The following UTRN variants were observed in gnomAD, a reference collection of about 807,000 sequenced individuals.
UTRN encodes the protein utrophin, also known as dystrophin-related protein 1.
A neutral mutation model predicts 463.9 loss-of-function variants in UTRN; 283 were observed. That is an observed-to-expected ratio of 0.61 (90% CI 0.55 to 0.67). UTRN has a LOEUF of 0.67. UTRN is among the 30% of genes least tolerant of loss of function. UTRN has a pLI of 0.00. For synonymous variants in UTRN, 1,442 were observed against 1,431.5 expected, an observed-to-expected ratio of 1.01 and a Z score of -0.17; for missense variants, 3,922 against 4,084.3, an observed-to-expected ratio of 0.96 and a Z score of 1.08.
chr6:144,481,132 T>C (rs963976766), intron 26 of UTRN, among the ~76,000 whole-genome samples: 1 of 152,174 alleles, frequency 6.6e-6, no homozygotes, highest in South Asian at 2.1e-4. Flanking sequence ...TTGGGCAACA[T>C]TTTATTTATT....
intron 53 of UTRN, among the ~76,000 whole-genome samples, chr6:144,703,908 A>T (rs1223547045): frequency 3.3e-5 from 5 of 152,206 alleles, no homozygotes; most frequent in Non-Finnish European, 7.3e-5. Flanking sequence ...CTCATTGCTG[A>T]GTAGTGAATT....
chr6:144,375,849 A>G (rs1036272950), intron 2 of UTRN, among the ~76,000 whole-genome samples: 3 of 151,494 alleles, frequency 2.0e-5, no homozygotes, highest in Non-Finnish European at 4.4e-5. Context: ...TCAGGGCACC[A>G]CTCTTCTGGT....
chr6:144,411,351 A>G (rs1241065414), intron 3 of UTRN, among the ~76,000 whole-genome samples: 1 of 152,010 alleles, frequency 6.6e-6, no homozygotes, highest in Non-Finnish European at 1.5e-5. Context: ...GCCCATTTGT[A>G]TATCTGCTTT....
intron 35 of UTRN, among the ~76,000 whole-genome samples, chr6:144,511,725 T>C (rs1027390453): frequency 6.6e-6 from 1 of 152,314 alleles, no homozygotes; most frequent in African/African-American, 2.4e-5. Flanking sequence ...TTATTAAATA[T>C]TGTATATGTG....
At chr6:144,424,655 T>A (rs1785140103) in intron 6 of UTRN, among the ~76,000 whole-genome samples, 1 of 152,222 alleles carries the variant, frequency 6.6e-6, no homozygotes, top group Admixed American at 6.5e-5. Flanking sequence ...TTTCTTATGT[T>A]AAATTTTAAA....
At chr6:144,605,225 A>G (rs1240861424) in intron 51 of UTRN, among the ~76,000 whole-genome samples, 1 of 152,162 alleles carries the variant, frequency 6.6e-6, no homozygotes, top group Non-Finnish European at 1.5e-5. Flanking sequence ...TGACAGTTAT[A>G]TATCCAAAAC....
At chr6:144,436,742 G>T (rs1786569902) in intron 10 of UTRN, among the ~76,000 whole-genome samples, 1 of 137,592 alleles carries the variant, frequency 7.3e-6, no homozygotes. Context: ...GGGTGAGTAT[G>T]GTATTTTATT....
At chr6:144,728,010 G>C (rs1393560274) in intron 53 of UTRN, among the ~76,000 whole-genome samples, 1 of 150,208 alleles carries the variant, frequency 6.7e-6, no homozygotes, top group African/African-American at 2.4e-5. Flanking sequence ...TGAGGCAGGA[G>C]AATCACTTGA....
intron 2 of UTRN, among the ~76,000 whole-genome samples, chr6:144,385,264 G>A (rs1008226647): frequency 6.6e-6 from 1 of 152,134 alleles, no homozygotes; most frequent in Non-Finnish European, 1.5e-5. Context: ...CATGTTGACT[G>A]TGCACATGGA....
At chr6:144,489,037 T>TTTTATTTTAC (rs1341807223) in intron 30 of UTRN, among the ~76,000 whole-genome samples, 1 of 151,320 alleles carries the variant, frequency 6.6e-6, no homozygotes, top group Non-Finnish European at 1.5e-5. Flanking sequence ...GTTTATTTTA[T>TTTTATTTTAC]TTTATTTTAT....
chr6:144,577,789 A>C (rs1801581771), intron 51 of UTRN, among the ~76,000 whole-genome samples: 2 of 152,348 alleles, frequency 1.3e-5, no homozygotes, highest in South Asian at 4.1e-4. Flanking sequence ...TCTTCTACAC[A>C]AAATGTGCTA....
At chr6:144,342,200 G>A (rs1369845935) in intron 2 of UTRN, among the ~76,000 whole-genome samples, 1 of 152,182 alleles carries the variant, frequency 6.6e-6, no homozygotes, top group Non-Finnish European at 1.5e-5. Flanking sequence ...ATATTGGTGA[G>A]GATGTGGAGA....
chr6:144,425,794 C>T (rs1008567250), intron 6 of UTRN, among the ~76,000 whole-genome samples: 10 of 152,088 alleles, frequency 6.6e-5, no homozygotes, highest in Non-Finnish European at 1.3e-4. Flanking sequence ...TCTTTGAGCA[C>T]TTTCTTAAAA....
chr6:144,797,368 G>A (rs2128745164), intron 63 of UTRN, among the ~76,000 whole-genome samples: 1 of 152,046 alleles, frequency 6.6e-6, no homozygotes, highest in Middle Eastern at 3.4e-3. Context: ...TTGTGTGTGT[G>A]TGTTTTAGTA....
chr6:144,746,558 C>A (rs1790766950), intron 54 of UTRN, among the ~76,000 whole-genome samples: 1 of 152,052 alleles, frequency 6.6e-6, no homozygotes, highest in South Asian at 2.1e-4. Flanking sequence ...CTCACTGCAA[C>A]CTCCATCTCC....
At chr6:144,727,602 CA>C (rs1231531611) in intron 53 of UTRN, among the ~76,000 whole-genome samples, 3 of 151,950 alleles carry the variant, frequency 2.0e-5, no homozygotes, top group Non-Finnish European at 2.9e-5. Flanking sequence ...ACTAAAAATA[CA>C]AAAAAATTAG....
chr6:144,546,231 GC>G (rs1798394113), intron 46 of UTRN, among the ~76,000 whole-genome samples: 1 of 152,158 alleles, frequency 6.6e-6, no homozygotes. Flanking sequence ...CCATTAGGGT[GC>G]TGTCTGGATT....
intron 25 of UTRN, among the ~76,000 whole-genome samples, chr6:144,477,960 A>T (rs1465757064): frequency 1.3e-5 from 2 of 152,170 alleles, no homozygotes; most frequent in Admixed American, 6.5e-5. Context: ...TGAATTACTG[A>T]TTCAAAATAC....
chr6:144,657,920 C>T (rs570199097), intron 51 of UTRN, among the ~76,000 whole-genome samples: 83 of 151,998 alleles, frequency 5.5e-4, no homozygotes, highest in South Asian at 2.3e-3. Context: ...GGTGCTGGTG[C>T]TGGTGGTTTC....
Sources: gnomAD v4.1 joint callset for allele counts (sites outside exome capture counted in the v4.1 genomes callset) on GRCh38, gnomAD v4.1.1 for gene constraint, MANE v1.5 for transcripts, NCBI Gene and HGNC (gene_info 2026-07-23, HGNC 2026-07-21) for gene names.